The following ABCG2 variants were observed in gnomAD, a reference collection of about 807,000 sequenced individuals.
ABCG2 encodes ATP binding cassette subfamily G member 2 (JR blood group).
A neutral mutation model predicts 73.5 loss-of-function variants in ABCG2; 80 were observed. The ratio of observed to expected loss-of-function variants is 1.09; its 90% CI spans 0.91 to 1.31. The LOEUF (loss-of-function observed/expected upper bound fraction) is 1.31, where lower values mean the gene tolerates loss of function less well. ABCG2 is among the 50% of genes most tolerant of loss of function. ABCG2 has a pLI of 0.00. For synonymous variants in ABCG2, 269 were observed against 282.4 expected (o/e 0.95, Z 0.48); for missense variants, 796 against 786.2 (o/e 1.01, Z -0.15).
chr4:88,194,288 C>G (rs917087961), intron 1 of ABCG2, among the ~76,000 whole-genome samples: 1 of 151,348 alleles, frequency 6.6e-6, no homozygotes, highest in South Asian at 2.1e-4. Context: ...CTGTGGCTCA[C>G]GCCTGTAATC....
intron 1 of ABCG2, among the ~76,000 whole-genome samples, chr4:88,180,122 C>G (rs1728173996): frequency 6.6e-6 from 1 of 152,004 alleles, no homozygotes; most frequent in Non-Finnish European, 1.5e-5. Context: ...ATAAGATTAC[C>G]TCAAGATATT....
intron 1 of ABCG2, among the ~76,000 whole-genome samples, chr4:88,215,943 A>G (rs1401259199): frequency 6.6e-6 from 1 of 152,220 alleles, no homozygotes; most frequent in African/African-American, 2.4e-5. Context: ...AATATCATGA[A>G]TCTTCCTTCA....
intron 1 of ABCG2, among the ~76,000 whole-genome samples, chr4:88,211,607 C>G (rs1291105531): frequency 1.3e-5 from 2 of 152,108 alleles, no homozygotes; most frequent in East Asian, 1.9e-4. Flanking sequence ...TAAGTAGAGA[C>G]GGGGTTTCAC....
chr4:88,210,210 CACACACACACAT>C (rs1314250858), intron 1 of ABCG2, among the ~76,000 whole-genome samples: 3 of 150,768 alleles, frequency 2.0e-5, no homozygotes, highest in African/African-American at 2.4e-5. Context: ...CACACACACA[CACACACACACAT>C]ATACATATAT....
At chr4:88,143,726 C>T (rs1444014729) in intron 1 of ABCG2, among the ~76,000 whole-genome samples, 2 of 151,874 alleles carry the variant, frequency 1.3e-5, no homozygotes, top group African/African-American at 4.8e-5. Context: ...ATTCATGAGT[C>T]ACAAACCAAG....
chr4:88,099,299 CT>C (rs780890581), intron 12 of ABCG2, 24 bp downstream of exon 12: 1 of 1,555,450 alleles, frequency 6.4e-7, no homozygotes, highest in Non-Finnish European at 8.7e-7. Flanking sequence ...AAGACATGTC[CT>C]TTTTTGTTTT....
chr4:88,134,733 T>C (rs1418740587), intron 2 of ABCG2, among the ~76,000 whole-genome samples: 2 of 152,228 alleles, frequency 1.3e-5, no homozygotes, highest in Non-Finnish European at 2.9e-5. Flanking sequence ...CTTACTACTT[T>C]GGGATGAAAC....
chr4:88,211,104 T>A lies in ABCG2; in HGVS notation c.-20+19890A>T, dbSNP rs1158516914. 1.6e-4 allele frequency among the ~76,000 whole-genome samples: 24 copies of A among 149,812 alleles called. 1 individual carries two copies. In the South Asian group the frequency reaches 4.0e-3, roughly 25 times the overall value. ...CTTGGTCCCTAAAAAAATTAAAAAATAAAAAAAATATATATATATATGTAA... is the reference window on the plus strand; with the variant it reads ...CTTGGTCCCTAAAAAAATTAAAAAAAAAAAAAAATATATATATATATGTAA... On this transcript the variant is annotated intron_variant, in intron 1 of 15. Coordinates refer to the ABCG2 transcript ENST00000515655.
chr4:88,097,395 A>G, intron 13 of ABCG2, 58 bp downstream of exon 13: 2 of 1,585,898 alleles, frequency 1.3e-6, no homozygotes, highest in Non-Finnish European at 1.7e-6. Context: ...GTGAATGTGC[A>G]GGAAGAAATG....
rs1721664877 is a variant in ABCG2 at position 88,091,913 on chromosome 4, C to A, written c.*321G>T. On this transcript the variant is annotated 3_prime_UTR_variant, in exon 16 of 16. Coordinates refer to ENST00000237612, the MANE Select transcript of ABCG2 (RefSeq NM_004827.3). ...CCTATTCATTTTAAAGATGAGGAAA[C>A]AAATGCCAGAGACAGTAATAACTTG... 1 of 208,714 alleles carries A rather than the reference C, an allele frequency of 4.8e-6. No homozygotes were observed. The highest frequency in any genetic ancestry group is 9.6e-6 in the Non-Finnish European group (1 of 103,694). The allele number at this position is 208,714 out of a possible 1,614,324, so 12.9% of individuals were successfully genotyped here. A position where few individuals can be genotyped will look rare whatever the true frequency, so the allele number is the denominator to read the frequency against.
intron 1 of ABCG2, among the ~76,000 whole-genome samples, chr4:88,147,690 A>T (rs1442263507): frequency 6.6e-6 from 1 of 152,220 alleles, no homozygotes; most frequent in Non-Finnish European, 1.5e-5. Context: ...TAAAGATGTT[A>T]GCACTAGCAA....
intron 1 of ABCG2, among the ~76,000 whole-genome samples, chr4:88,208,194 C>T (rs529808524): frequency 5.8e-4 from 89 of 152,308 alleles, no homozygotes; most frequent in Middle Eastern, 3.4e-3. Context: ...AGACCACCTC[C>T]ATGTTCAGAG....
At chr4:88,115,993 C>T (rs188217795) in intron 7 of ABCG2, among the ~76,000 whole-genome samples, 2 of 152,224 alleles carry the variant, frequency 1.3e-5, no homozygotes, top group Non-Finnish European at 2.9e-5. Context: ...CCAGGACTTC[C>T]AGACCAACCT....
At chr4:88,139,459 C>T (rs1422188646) in intron 2 of ABCG2, among the ~76,000 whole-genome samples, 2 of 152,038 alleles carry the variant, frequency 1.3e-5, no homozygotes, top group Non-Finnish European at 1.5e-5. Context: ...TTCACTATGT[C>T]GGCCAGGATG....
chr4:88,136,242 G>A (rs140746126), intron 2 of ABCG2, among the ~76,000 whole-genome samples: 2 of 152,088 alleles, frequency 1.3e-5, no homozygotes, highest in African/African-American at 2.4e-5. Context: ...ATGTGTATGC[G>A]TATGTGTGTA....
At position 88,091,295 on chromosome 4, in the gene ABCG2, AG is replaced by A. The variant is rs1383703806; in HGVS notation, c.*938del. On this transcript the variant is annotated 3_prime_UTR_variant, in exon 16 of 16. Transcript: ENST00000237612. ...CATTTCCCTATTACTGATGAAGGTT[AG>A]AATGAAGAGAACATAAGGTATATAA... The A allele has an allele frequency of 6.6e-6, 1 of 152,236 alleles. No individual in the cohort carries two copies. Among genetic ancestry groups the A allele is most frequent in the African/African-American group, 2.4e-5 (1 of 41,460 alleles). The allele number at this position is 152,236 out of a possible 1,614,324, so 9.4% of individuals were successfully genotyped here.
At chr4:88,101,181 T>TA (rs1219753838) in intron 11 of ABCG2, 49 bp downstream of exon 11, 23 of 1,531,756 alleles carry the variant, frequency 1.5e-5, no homozygotes, top group Non-Finnish European at 2.0e-5. Context: ...GTCTAACCAA[T>TA]AGCCCCTGCT....
chr4:88,187,929 T>C (rs2110105170), intron 1 of ABCG2, among the ~76,000 whole-genome samples: 1 of 152,314 alleles, frequency 6.6e-6, no homozygotes, highest in Non-Finnish European at 1.5e-5. Flanking sequence ...GCAGGATGTT[T>C]GGAAATGTCC....
At chr4:88,155,676 G>A (rs181702730) in intron 1 of ABCG2, among the ~76,000 whole-genome samples, 83 of 152,316 alleles carry the variant, frequency 5.4e-4, no homozygotes, top group African/African-American at 1.7e-3. Flanking sequence ...AGGCCGAGGC[G>A]GGTGGATCAC....
Sources: allele counts gnomAD v4.1 joint callset (sites outside exome capture counted in the v4.1 genomes callset), GRCh38; gene constraint gnomAD v4.1.1; transcripts MANE v1.5; gene names NCBI Gene and HGNC (gene_info 2026-07-23, HGNC 2026-07-21).